The following HMCN1 variants were observed in gnomAD, a reference collection of about 807,000 sequenced individuals.
HMCN1 encodes the protein hemicentin 1.
In HMCN1, 321 loss-of-function variants were observed where a neutral mutation model predicts 625.9. The observed-to-expected ratio is 0.51, with a 90% confidence interval of 0.47 to 0.56. The LOEUF (loss-of-function observed/expected upper bound fraction) is 0.56. Among genes scored for constraint, HMCN1 ranks in the 20% least tolerant of loss-of-function variants. HMCN1 has a pLI of 0.00. For synonymous variants in HMCN1, 2,425 were observed against 2,417.6 expected (o/e 1.00, Z -0.09); for missense variants, 6,588 against 6,887.3 (o/e 0.96, Z 1.54).
intron 1 of HMCN1, among the ~76,000 whole-genome samples, chr1:185,737,802 T>G (rs531094714): frequency 6.6e-6 from 1 of 152,222 alleles, no homozygotes; most frequent in African/African-American, 2.4e-5. Context: ...TCTTTTGATA[T>G]AAACCTTTAG....
chr1:186,087,636 G>A lies in HMCN1; in HGVS notation c.9354G>A (p.Lys3118=). The change falls in exon 60 of 107, where the codon AAG becomes AAA. Residue 3118 remains lysine (K), a synonymous_variant. Coordinates refer to ENST00000271588, the MANE Select transcript of HMCN1 (RefSeq NM_031935.3). ...CTGATGGACAAATGCTACACATTAA[G>A]AAAGCTGAGGTGCATCTTTTATTCT... is the stretch of plus-strand genomic sequence containing the variant. ...ILADGQMLHI[K]KAEVSDTGQY... is the part of the protein sequence containing the mutation. 5 of 1,612,938 alleles carry A rather than the reference G, an allele frequency of 3.1e-6. No individual in the cohort carries two copies. The highest frequency in any genetic ancestry group is 4.2e-6 in the Non-Finnish European group (5 of 1,179,218).
chr1:185,847,351 TA>T (rs1395678186), intron 2 of HMCN1, among the ~76,000 whole-genome samples: 1 of 152,198 alleles, frequency 6.6e-6, no homozygotes, highest in African/African-American at 2.4e-5. Context: ...CCCATGATGT[TA>T]CTATGTTTGT....
intron 16 of HMCN1, among the ~76,000 whole-genome samples, chr1:185,978,790 C>T (rs552329550): frequency 1.5e-4 from 23 of 152,096 alleles, no homozygotes; most frequent in Non-Finnish European, 3.1e-4. Context: ...AAGCAATTGT[C>T]CTGCTTCAGC....
At chr1:185,844,136 C>T (rs1478090537) in intron 1 of HMCN1, among the ~76,000 whole-genome samples, 2 of 152,128 alleles carry the variant, frequency 1.3e-5, no homozygotes, top group African/African-American at 4.8e-5. Flanking sequence ...ATTTATATGT[C>T]AGGGTGTAAC....
intron 35 of HMCN1, among the ~76,000 whole-genome samples, chr1:186,022,123 A>G (rs1654760827): frequency 6.6e-6 from 1 of 152,126 alleles, no homozygotes; most frequent in African/African-American, 2.4e-5. Flanking sequence ...AATTTAATGT[A>G]CTACCTGTCC....
chr1:186,079,262 C>T (rs921990862), intron 55 of HMCN1, among the ~76,000 whole-genome samples: 1 of 152,142 alleles, frequency 6.6e-6, no homozygotes, highest in Non-Finnish European at 1.5e-5. Flanking sequence ...GCCTGCAAGG[C>T]CAGCTCTCTC....
chr1:186,015,433 C>T lies in HMCN1; in HGVS notation c.4905C>T (p.Val1635=), dbSNP rs745849089. Residue 1635 remains valine, a synonymous_variant, in exon 31 of 107, where the codon GTC becomes GTT. Transcript: ENST00000271588. ...CTGAAAAATCATTCCATGTGGATGT[C>T]TATGGTGAGGAACAACATATGCTTT... ...GTAEKSFHVD[V]YVPPMIEGNL... is the part of the protein sequence containing the mutation. The T allele has an allele frequency of 2.5e-6, 4 of 1,613,226 alleles. No individual in the cohort carries two copies. The South Asian group carries it at 4.4e-5, about 18-fold the overall frequency.
chr1:185,794,601 A>ATTTTTTTTTTTTTTTTTTTTTT (rs34098989), intron 1 of HMCN1, among the ~76,000 whole-genome samples: 1 of 111,210 alleles, frequency 9.0e-6, no homozygotes, highest in Non-Finnish European at 1.8e-5. Flanking sequence ...GTCTTTACAC[A>ATTTTTTTTTTTTTTTTTTTTTT]TTTTTTTTTT....
chr1:186,043,566 T>A (rs1656351970), intron 40 of HMCN1, among the ~76,000 whole-genome samples: 1 of 152,190 alleles, frequency 6.6e-6, no homozygotes. Context: ...TGCTTCCGAC[T>A]TTCACTTCTG....
intron 89 of HMCN1, among the ~76,000 whole-genome samples, chr1:186,140,698 A>G (rs998558694): frequency 6.6e-6 from 1 of 152,126 alleles, no homozygotes; most frequent in Admixed American, 6.6e-5. Context: ...ATCAGTTATT[A>G]CTATGATTTT....
chr1:186,023,911 A>T (rs1195679803), intron 36 of HMCN1, among the ~76,000 whole-genome samples: 3 of 152,218 alleles, frequency 2.0e-5, no homozygotes, highest in South Asian at 2.1e-4. Flanking sequence ...TATAGTAGGC[A>T]GTCAAAAATA....
At position 186,069,531 on chromosome 1, in the gene HMCN1, CAT is replaced by C. The variant is rs2102339268; in HGVS notation, c.7880-129_7880-128del. ...ATCAGTATTGCAGTTTATCTTATAT[CAT>C]ATGTCCATCACAGAATTGTCATATG... On this transcript the variant is annotated intron_variant, in intron 50 of 106. Coordinates refer to ENST00000271588, the MANE Select transcript of HMCN1 (RefSeq NM_031935.3). The C allele has an allele frequency of 4.3e-6, 3 of 705,412 alleles. No individual in the cohort carries two copies. In the South Asian group the frequency reaches 4.5e-5, roughly 11 times the overall value. The allele number at this position is 705,412 out of a possible 1,614,324, so 43.7% of individuals were successfully genotyped here. A position where few individuals can be genotyped will look rare whatever the true frequency, so the allele number is the denominator to read the frequency against.
At position 186,137,531 on chromosome 1, in the gene HMCN1, G is replaced by C. The variant is rs1649680651; in HGVS notation, c.13616G>C (p.Arg4539Thr). The part of the protein sequence containing the change: ...HGGFSQWSAW[R>T]ACSVTCGKGI... ...GGATTTTCCCAGTGGTCTGCATGGA[G>C]AGCCTGCAGTGTCACCTGTGGAAAA... Residue 4539 changes from arginine (R) to threonine (T), a missense_variant, in exon 88 of 107, where the codon AGA (arginine) becomes ACA (threonine). Around this residue, in one of 3 missense-constraint regions of HMCN1, gnomAD observed 1,954 missense variants for 2,013.1 expected, o/e 0.97. Transcript: ENST00000271588. The C allele has an allele frequency of 6.2e-7, 1 of 1,613,640 alleles. No homozygotes were observed. The highest frequency in any genetic ancestry group is 8.5e-7 in the Non-Finnish European group (1 of 1,179,898).
intron 4 of HMCN1, among the ~76,000 whole-genome samples, chr1:185,891,863 G>A (rs1448823905): frequency 6.8e-6 from 1 of 147,818 alleles, no homozygotes; most frequent in East Asian, 1.9e-4. Context: ...GGCCTGCCTT[G>A]CTAGATTGGG....
intron 4 of HMCN1, among the ~76,000 whole-genome samples, chr1:185,898,427 T>G (rs1665612202): frequency 6.6e-6 from 1 of 152,202 alleles, no homozygotes; most frequent in Non-Finnish European, 1.5e-5. Flanking sequence ...CTTGGAAATT[T>G]GCTAACAGCA....
chr1:185,999,251 T>C (rs1653011981), intron 25 of HMCN1, among the ~76,000 whole-genome samples: 1 of 152,040 alleles, frequency 6.6e-6, no homozygotes. Context: ...ATTATTATTA[T>C]GGAGATTAAA....
At chr1:186,111,164 A>G (rs1050406688) in intron 71 of HMCN1, among the ~76,000 whole-genome samples, 1 of 150,476 alleles carries the variant, frequency 6.6e-6, no homozygotes, top group Non-Finnish European at 1.5e-5. Context: ...GTATTTTTTA[A>G]TAGAGACGGG....
chr1:185,853,625 G>A (rs13376668), intron 2 of HMCN1, among the ~76,000 whole-genome samples: 33,928 of 152,028 alleles, frequency 0.22, 4,200 homozygotes, highest in Non-Finnish European at 0.28. Context: ...CGACAAGACA[G>A]TGGAGGACAG....
intron 1 of HMCN1, among the ~76,000 whole-genome samples, chr1:185,745,708 G>T (rs977870824): frequency 1.3e-5 from 2 of 152,196 alleles, no homozygotes; most frequent in African/African-American, 4.8e-5. Context: ...AAGTCTCTCT[G>T]TGTGGATCTG....
Sources: gnomAD v4.1 joint callset for allele counts (sites outside exome capture counted in the v4.1 genomes callset) on GRCh38, gnomAD v4.1.1 for gene constraint, gnomAD v4.1.1 regional missense constraint, MANE v1.5 for transcripts, NCBI Gene and HGNC (gene_info 2026-07-23, HGNC 2026-07-21) for gene names.